The following TYW1B variants were observed in gnomAD, a reference collection of about 807,000 sequenced individuals.
TYW1B encodes S-adenosyl-L-methionine-dependent tRNA 4-demethylwyosine synthase TYW1B.
In TYW1B, 73 loss-of-function variants were observed where a neutral mutation model predicts 86.9. The ratio of observed to expected loss-of-function variants is 0.84; its 90% confidence interval spans 0.70 to 1.02. The LOEUF (loss-of-function observed/expected upper bound fraction) is 1.02, where lower values mean the gene tolerates loss of function less well. TYW1B is among the 50% of genes least tolerant of loss of function. The pLI, the probability that TYW1B is intolerant of heterozygous loss-of-function variation, is 0.00. For missense variants in TYW1B, 637 were observed against 827.4 expected (o/e 0.77, Z 2.82); for synonymous variants, 248 against 292.8 (o/e 0.85, Z 1.56).
chr7:72,722,880 G>A (rs1160546259), intron 9 of TYW1B: 4 of 666,306 alleles, frequency 6.0e-6, no homozygotes, highest in African/African-American at 5.6e-5. Context: ...TAATTAATGA[G>A]CATTCCTGTC....
intron 11 of TYW1B, among the ~76,000 whole-genome samples, chr7:72,652,947 G>A (rs1373602226): frequency 4.6e-5 from 7 of 152,138 alleles, no homozygotes; most frequent in Non-Finnish European, 8.8e-5. Context: ...AATTTTTGCA[G>A]TGCTATTTAA....
At chr7:72,603,729 T>A (rs1210976289) in intron 13 of TYW1B, among the ~76,000 whole-genome samples, 1 of 144,546 alleles carries the variant, frequency 6.9e-6, no homozygotes, top group Non-Finnish European at 1.5e-5. Context: ...CATGATGTGA[T>A]GAAAACGGCA....
At position 72,718,140 on chromosome 7, in the gene TYW1B, GC is replaced by G. The variant is rs1468504383; in HGVS notation, c.1193-4343del. Among the ~76,000 whole-genome samples, 4 of 152,208 alleles carry G rather than the reference GC, an allele frequency of 2.6e-5. No homozygotes were observed. In the East Asian group the frequency reaches 7.7e-4, roughly 29 times the overall value. On this transcript the variant is annotated intron_variant, in intron 9 of 13. Transcript: ENST00000620995. ...CATATACACCATGGAATACTATGCA[GC>G]CATAAAAACGAACAAAATCATGTCC...
intron 10 of TYW1B, among the ~76,000 whole-genome samples, chr7:72,711,224 C>A (rs570100622): frequency 2.0e-5 from 3 of 152,094 alleles, no homozygotes; most frequent in Non-Finnish European, 2.9e-5. Context: ...AGACTCGGGG[C>A]TATGCCTGCC....
At chr7:72,575,821 T>G in intron 13 of TYW1B, 102 bp from the exon 14 acceptor site, 5 of 1,518,986 alleles carry the variant, frequency 3.3e-6, no homozygotes, top group Non-Finnish European at 4.4e-6. Context: ...TTTCTCCCTA[T>G]CACGCCAAGA....
intron 12 of TYW1B, among the ~76,000 whole-genome samples, chr7:72,623,767 T>A (rs1390444725): frequency 2.6e-5 from 4 of 152,124 alleles, no homozygotes; most frequent in Non-Finnish European, 4.4e-5. Context: ...TCAAATGTTT[T>A]ATGGAGAGGT....
chr7:72,629,262 G>A (rs1191445807), intron 11 of TYW1B, among the ~76,000 whole-genome samples: 3 of 152,158 alleles, frequency 2.0e-5, no homozygotes, highest in African/African-American at 4.8e-5. Context: ...GGCACCCAGA[G>A]GTTTCTTGAC....
intron 13 of TYW1B, among the ~76,000 whole-genome samples, chr7:72,578,305 C>T (rs1348785221): frequency 2.0e-5 from 3 of 151,892 alleles, no homozygotes; most frequent in Admixed American, 1.3e-4. Context: ...TTAATAGAGA[C>T]GGGGTTTCAC....
intron 13 of TYW1B, among the ~76,000 whole-genome samples, chr7:72,598,686 G>A (rs11972515): frequency 0.014 from 2,170 of 152,298 alleles, 64 homozygotes; most frequent in African/African-American, 0.046. Flanking sequence ...TACTCAACTG[G>A]ATCAAAGGGA....
At chr7:72,727,150 G>A (rs1554458876) in intron 9 of TYW1B, among the ~76,000 whole-genome samples, 2 of 152,168 alleles carry the variant, frequency 1.3e-5, no homozygotes, top group African/African-American at 4.8e-5. Context: ...GTGGTAAGGA[G>A]TATTATAATA....
chr7:72,653,665 G>T (rs1813120595), intron 11 of TYW1B, among the ~76,000 whole-genome samples: 1 of 152,046 alleles, frequency 6.6e-6, no homozygotes, highest in East Asian at 1.9e-4. Context: ...AGGTATGCAA[G>T]GCTGGTTCAA....
chr7:72,683,633 C>G (rs1813933888), intron 11 of TYW1B, among the ~76,000 whole-genome samples: 1 of 152,126 alleles, frequency 6.6e-6, no homozygotes, highest in African/African-American at 2.4e-5. Context: ...TGCTTCCCTT[C>G]CCCATATACC....
chr7:72,741,809 T>C (rs1239105510), intron 8 of TYW1B, among the ~76,000 whole-genome samples: 10 of 152,128 alleles, frequency 6.6e-5, no homozygotes, highest in Non-Finnish European at 1.3e-4. Flanking sequence ...GCAGAAACCA[T>C]GGAGGCCAGA....
At chr7:72,682,573 T>C (rs1384440815) in intron 11 of TYW1B, among the ~76,000 whole-genome samples, 1 of 152,186 alleles carries the variant, frequency 6.6e-6, no homozygotes, top group Non-Finnish European at 1.5e-5. Context: ...AACTTAAAAT[T>C]AACCCCTACG....
At chr7:72,744,982 G>T (rs11977018) in intron 7 of TYW1B, among the ~76,000 whole-genome samples, 104,006 of 152,182 alleles carry the variant, frequency 0.68, 36,652 homozygotes, top group Non-Finnish European at 0.77. Context: ...CCTGCTCTGA[G>T]TAAAGAAGGA....
intron 11 of TYW1B, among the ~76,000 whole-genome samples, chr7:72,632,396 AT>A (rs1812540591): frequency 9.2e-6 from 1 of 108,242 alleles, no homozygotes; most frequent in African/African-American, 4.6e-5. Context: ...ACGTATATAT[AT>A]ATAATATATA....
At chr7:72,763,328 G>C (rs1308770206) in intron 7 of TYW1B, among the ~76,000 whole-genome samples, 2 of 142,070 alleles carry the variant, frequency 1.4e-5, no homozygotes, top group African/African-American at 2.6e-5. Context: ...TGTCACCTAG[G>C]CTGGAGTGCA....
chr7:72,636,398 C>G (rs1349648099), intron 11 of TYW1B, among the ~76,000 whole-genome samples: 3 of 152,136 alleles, frequency 2.0e-5, no homozygotes, highest in Non-Finnish European at 2.9e-5. Context: ...AAAATGACAT[C>G]TTCCTTTCCA....
intron 11 of TYW1B, among the ~76,000 whole-genome samples, chr7:72,655,523 G>A (rs1813180571): frequency 6.6e-6 from 1 of 152,104 alleles, no homozygotes; most frequent in African/African-American, 2.4e-5. Flanking sequence ...TCTTCCAGAA[G>A]GCTGTAGCAG....
Sources: allele counts gnomAD v4.1 joint callset (sites outside exome capture counted in the v4.1 genomes callset), GRCh38; gene constraint gnomAD v4.1.1; transcripts MANE v1.5; gene names NCBI Gene and HGNC (gene_info 2026-07-23, HGNC 2026-07-21).